Variants in OIT3 observed in about 807,000 individuals in gnomAD.
The protein encoded by OIT3 is oncoprotein-induced transcript 3 protein.
A neutral mutation model predicts 52.2 loss-of-function variants in OIT3; 41 were observed. The observed-to-expected ratio is 0.79, with a 90% CI of 0.61 to 1.02. The LOEUF is 1.02. OIT3 is among the 50% of genes least tolerant of loss of function. The pLI is 0.00. For missense variants in OIT3, 634 were observed against 715.5 expected, an observed-to-expected ratio of 0.89 and a Z score of 1.30; for synonymous variants, 244 against 276.9, an observed-to-expected ratio of 0.88 and a Z score of 1.18.
intron 4 of OIT3, among the ~76,000 whole-genome samples, chr10:72,908,154 A>G (rs907356027): frequency 6.6e-6 from 1 of 152,130 alleles, no homozygotes; most frequent in Admixed American, 6.5e-5. Context: ...GAGGCACAAG[A>G]ATCACTTGAA....
rs1165444846 is a variant in OIT3 at position 72,900,409 on chromosome 10, G to A, written c.469G>A (p.Gly157Ser). ...FYDICDEDCH[G>S]SCSDTSECTC... is the part of the protein sequence containing the mutation. ...TGACATCTGCGACGAGGACTGCCATGGCAGCTGCTCAGATACCAGCGAGTG... is the reference window on the plus strand; with the variant it reads ...TGACATCTGCGACGAGGACTGCCATAGCAGCTGCTCAGATACCAGCGAGTG... Residue 157 changes from glycine to serine, a missense_variant, in exon 3 of 9, where the codon GGC becomes AGC. Transcript: ENST00000334011. 1 of 1,611,162 alleles carries A rather than the reference G, an allele frequency of 6.2e-7. No individual in the cohort carries two copies. The highest frequency in any genetic ancestry group is 8.5e-7 in the Non-Finnish European group (1 of 1,177,660).
chr10:72,897,283 CA>C (rs1845883224), intron 1 of OIT3, among the ~76,000 whole-genome samples: 1 of 152,202 alleles, frequency 6.6e-6, no homozygotes, highest in Non-Finnish European at 1.5e-5. Flanking sequence ...CTCGGCCCCC[CA>C]AAGTGCTGGG....
chr10:72,931,778 C>T (rs1013953441), intron 8 of OIT3, among the ~76,000 whole-genome samples: 17 of 152,120 alleles, frequency 1.1e-4, no homozygotes, highest in Non-Finnish European at 8.8e-5. Flanking sequence ...CTTGTTGAAA[C>T]ATTTAAACAA....
Position 72,932,528 on chromosome 10 carries a change from G to C in OIT3, c.*4G>C. The C allele has an allele frequency of 6.3e-7, 1 of 1,592,564 alleles. No individual in the cohort carries two copies. The highest frequency in any genetic ancestry group is 8.6e-7 in the Non-Finnish European group (1 of 1,169,306). ...CCGCATCGACTGGGAGGACTAGTTC[G>C]TAGCCATACCTCGAGTCCCTGCATT... On this transcript the variant is annotated 3_prime_UTR_variant, in exon 9 of 9. Coordinates refer to ENST00000334011, the MANE Select transcript of OIT3 (RefSeq NM_152635.3).
intron 2 of OIT3, 107 bp from the exon 3 acceptor site, chr10:72,900,270 A>C: frequency 3.1e-6 from 2 of 653,930 alleles, no homozygotes. Context: ...CAGCCTGGGC[A>C]ACATAGGGAT....
rs1311213624 is a variant in OIT3, at chr10:72,906,676, G to A, written c.625G>A (p.Gly209Arg). Residue 209 changes from glycine (G) to arginine (R), a missense_variant, in exon 4 of 9, where the codon GGG becomes AGG. Physicochemically the swap from Gly to Arg is moderately radical, Grantham distance 125. Coordinates refer to ENST00000334011, the MANE Select transcript of OIT3 (RefSeq NM_152635.3). ...CAAAAACTCCTACCGCTGTGAGTGT[G>A]GGGTTGGCCGTGTGCTAAGAAGTGA... is the stretch of plus-strand genomic sequence containing the variant. ...NLKNSYRCEC[G>R]VGRVLRSDGK... 6.2e-7 allele frequency: 1 copy of A among 1,610,198 alleles called. No homozygotes were observed. The highest frequency in any genetic ancestry group is 1.1e-5 in the South Asian group (1 of 90,446).
intron 1 of OIT3, among the ~76,000 whole-genome samples, chr10:72,895,795 C>T (rs1171697878): frequency 6.6e-6 from 1 of 152,154 alleles, no homozygotes; most frequent in African/African-American, 2.4e-5. Context: ...CTTAGCAAAC[C>T]ATTGAGGAGC....
intron 1 of OIT3, among the ~76,000 whole-genome samples, chr10:72,894,968 A>G (rs1845861626): frequency 6.6e-6 from 1 of 152,208 alleles, no homozygotes; most frequent in South Asian, 2.1e-4. Flanking sequence ...GGGATCCTGG[A>G]ACAGAAAGAT....
intron 3 of OIT3, among the ~76,000 whole-genome samples, chr10:72,901,810 G>A (rs1007885124): frequency 2.0e-5 from 3 of 152,134 alleles, no homozygotes; most frequent in African/African-American, 4.8e-5. Context: ...TTGAGAGGAC[G>A]AAGCAAGAGG....
Position 72,911,225 on chromosome 10 carries a change from C to G in OIT3, c.668-492C>G, listed in dbSNP as rs145818582. Among the ~76,000 whole-genome samples, 295 of 152,302 alleles carry G rather than the reference C, an allele frequency of 1.9e-3. 9 individuals are homozygous for G. In the East Asian group the frequency reaches 0.051, roughly 26 times the overall value. On this transcript the variant is annotated intron_variant, in intron 4 of 8. Transcript: ENST00000334011. ...GCTATCAGCCCAAAGCCGTTTACCCCCAGTGCTCTTGTCCTAAATATTTGA... is the reference window on the plus strand; with the variant it reads ...GCTATCAGCCCAAAGCCGTTTACCCGCAGTGCTCTTGTCCTAAATATTTGA...
intron 7 of OIT3, among the ~76,000 whole-genome samples, chr10:72,929,228 A>G (rs1846194139): frequency 2.7e-5 from 4 of 150,626 alleles, no homozygotes; most frequent in Admixed American, 2.6e-4. Flanking sequence ...AGAAGAAAAG[A>G]AAAGAAAAAG....
intron 6 of OIT3, among the ~76,000 whole-genome samples, chr10:72,918,739 C>T (rs1432590178): frequency 2.6e-5 from 4 of 152,156 alleles, no homozygotes; most frequent in African/African-American, 9.7e-5. Flanking sequence ...AGCACCGTTT[C>T]CTCATTGCTT....
chr10:72,925,625 G>A (rs1846163502), intron 7 of OIT3, among the ~76,000 whole-genome samples: 1 of 152,088 alleles, frequency 6.6e-6, no homozygotes, highest in African/African-American at 2.4e-5. Context: ...TTCAGGGGTG[G>A]AGGGCAGTGC....
At chr10:72,902,180 A>G (rs1845940402) in intron 3 of OIT3, among the ~76,000 whole-genome samples, 2 of 152,116 alleles carry the variant, frequency 1.3e-5, no homozygotes, top group Admixed American at 6.6e-5. Context: ...GATTTTGAGT[A>G]TGTGATTTAA....
chr10:72,897,180 C>T (rs748324160), intron 1 of OIT3, among the ~76,000 whole-genome samples: 15 of 152,020 alleles, frequency 9.9e-5, no homozygotes, highest in Non-Finnish European at 1.5e-4. Flanking sequence ...CGTGCCACCA[C>T]GCCCAGCTGA....
At chr10:72,910,459 T>C (rs1422386637) in intron 4 of OIT3, among the ~76,000 whole-genome samples, 7 of 151,854 alleles carry the variant, frequency 4.6e-5, no homozygotes, top group Non-Finnish European at 8.8e-5. Context: ...ATCGAGACCA[T>C]CCTGGCTAAC....
chr10:72,918,294 A>T, intron 6 of OIT3: 1 of 776,390 alleles, frequency 1.3e-6, no homozygotes, highest in Non-Finnish European at 2.3e-6. Flanking sequence ...CTATACAGAC[A>T]TTTTCAAAGT....
At chr10:72,912,930 G>A (rs554268776) in intron 5 of OIT3, among the ~76,000 whole-genome samples, 17 of 152,248 alleles carry the variant, frequency 1.1e-4, no homozygotes, top group South Asian at 8.3e-4. Context: ...CAGCAGTATC[G>A]TTATGTACCT....
chr10:72,931,381 A>T (rs1846215232), intron 8 of OIT3, among the ~76,000 whole-genome samples: 2 of 152,134 alleles, frequency 1.3e-5, no homozygotes, highest in African/African-American at 4.8e-5. Flanking sequence ...GTCCTAGCTT[A>T]CTTAGGCAGC....
Sources: gnomAD v4.1 joint callset for allele counts (sites outside exome capture counted in the v4.1 genomes callset) on GRCh38, gnomAD v4.1.1 for gene constraint, MANE v1.5 for transcripts, NCBI Gene and HGNC (gene_info 2026-07-23, HGNC 2026-07-21) for gene names.